TTYH2: variants seen among roughly 807,000 people sequenced by gnomAD.
TTYH2 encodes tweety family member 2, also known as protein tweety homolog 2.
TTYH2 carries 49 observed loss-of-function variants against 68.3 expected under a neutral mutation model. The observed-to-expected ratio is 0.72, with a 90% CI of 0.57 to 0.91. The LOEUF (loss-of-function observed/expected upper bound fraction) is 0.91. TTYH2 is among the 40% of genes least tolerant of loss of function. TTYH2 has a pLI of 0.00. For missense variants in TTYH2, 631 were observed against 700.4 expected, an observed-to-expected ratio of 0.90 and a Z score of 1.12; for synonymous variants, 272 against 300.8, an observed-to-expected ratio of 0.90 and a Z score of 0.99.
intron 11 of TTYH2, 138 bp from the exon 12 acceptor site, chr17:74,252,943 C>G (rs143921222): frequency 8.4e-6 from 7 of 830,662 alleles, no homozygotes; most frequent in Non-Finnish European, 1.1e-5. Context: ...GGCTGGGGAC[C>G]GCGTTTTAGA....
At chr17:74,250,084 C>G in intron 9 of TTYH2, 56 bp downstream of exon 9, 1 of 1,592,572 alleles carries the variant, frequency 6.3e-7, no homozygotes, top group South Asian at 1.1e-5. Flanking sequence ...CAGCCCTTTC[C>G]CCTGCCCCGG....
chr17:74,222,467 G>C lies in TTYH2; in HGVS notation c.130-18G>C, dbSNP rs985293931. 6.3e-7 allele frequency: 1 copy of C among 1,599,606 alleles called. No homozygotes were observed. The highest frequency in any genetic ancestry group is 8.5e-7 in the Non-Finnish European group (1 of 1,175,378). Reference sequence around the variant, plus strand: ...CTGCAGGGATGAAGAGTGACAACAGGCCTCTGCTCTCTTCCAGTCGCTGCT... The same window carrying C: ...CTGCAGGGATGAAGAGTGACAACAGCCCTCTGCTCTCTTCCAGTCGCTGCT... On this transcript the variant is annotated intron_variant, in intron 1 of 13. Transcript: ENST00000269346. The surrounding 1 kb of genome is among the most constrained non-coding windows in gnomAD (Gnocchi z 5.2).
intron 4 of TTYH2, among the ~76,000 whole-genome samples, chr17:74,238,112 C>T (rs2050462255): frequency 6.6e-6 from 1 of 152,124 alleles, no homozygotes; most frequent in Non-Finnish European, 1.5e-5. Context: ...CTCCCGCACA[C>T]GGTGGGGTGC....
chr17:74,218,764 T>C (rs535284549), intron 1 of TTYH2, among the ~76,000 whole-genome samples: 1 of 152,172 alleles, frequency 6.6e-6, no homozygotes, highest in East Asian at 1.9e-4. Context: ...CGGACGAGCC[T>C]TCCTTGCTGG....
In TTYH2 at chr17:74,222,781, G is replaced by T; in HGVS notation, c.302+124G>T. On this transcript the variant is annotated intron_variant, in intron 2 of 13. Transcript: ENST00000269346. This position sits in a 1 kb window ranked among gnomAD's most constrained non-coding sequence, Gnocchi z 5.2. ...TGGAAAAGCTTGTCCCCAGATGAAT[G>T]TTGTCCCTTTTTTTTTTTTTACCAA... 5.2e-6 allele frequency: 6 copies of T among 1,158,134 alleles called. No homozygotes were observed. The highest frequency in any genetic ancestry group is 1.6e-5 in the African/African-American group (1 of 60,768). 71.7% of individuals were successfully genotyped at this position (1,158,134 alleles called of 1,614,324 possible). A position where few individuals can be genotyped will look rare whatever the true frequency, so the allele number is the denominator to read the frequency against.
chr17:74,233,914 C>T (rs992859449), intron 3 of TTYH2, among the ~76,000 whole-genome samples: 15 of 152,152 alleles, frequency 9.9e-5, no homozygotes, highest in African/African-American at 3.4e-4. Context: ...AACTGAGGCA[C>T]AGGGAGGTTG....
Position 74,235,947 on chromosome 17 carries a change from A to G in TTYH2, c.415-1347A>G, listed in dbSNP as rs114111688. Among the ~76,000 whole-genome samples the G allele has an allele frequency of 9.5e-3, 1,438 of 152,014 alleles. 23 individuals are homozygous for G. The highest frequency in any genetic ancestry group is 0.033 in the African/African-American group (1,369 of 41,484). On this transcript the variant is annotated intron_variant, in intron 3 of 13. Transcript: ENST00000269346. ...AAAGAAAGAAATGGATGAACGGGCT[A>G]CTCTGGCACACTGCCTAGAGGGTAG...
intron 3 of TTYH2, among the ~76,000 whole-genome samples, chr17:74,231,378 C>T (rs2050388045): frequency 6.6e-6 from 1 of 152,016 alleles, no homozygotes; most frequent in Admixed American, 6.6e-5. Flanking sequence ...CAGGAGATGC[C>T]AAGAGGAAAA....
At position 74,243,454 on chromosome 17, in the gene TTYH2, A is replaced by G. The variant is rs1206843324; in HGVS notation, c.716A>G (p.Lys239Arg). Residue 239 changes from lysine to arginine, a missense_variant, in exon 5 of 14, where the codon AAG becomes AGG. Physicochemically the swap from Lys to Arg is conservative, Grantham distance 26. Transcript: ENST00000269346. ...TGCCTGGGACTGGCCAAGCGCTCCAAGTGTCTCCTGGCCTCGTGAGTATCC... is the reference window on the plus strand; with the variant it reads ...TGCCTGGGACTGGCCAAGCGCTCCAGGTGTCTCCTGGCCTCGTGAGTATCC... ...IACLGLAKRSKCLLASMLCCG... is the reference protein window; with the variant it reads ...IACLGLAKRSRCLLASMLCCG... 4 of 1,614,116 alleles carry G rather than the reference A, an allele frequency of 2.5e-6. No individual in the cohort carries two copies. Among genetic ancestry groups the G allele is most frequent in the East Asian group, 2.2e-5 (1 of 44,868 alleles).
At chr17:74,244,855 A>AGTGTGT (rs58119512) in intron 6 of TTYH2, among the ~76,000 whole-genome samples, 4,085 of 149,898 alleles carry the variant, frequency 0.027, 177 homozygotes, top group African/African-American at 0.09. Flanking sequence ...GTGGAGGTGC[A>AGTGTGT]GTGTGTGTGT....
chr17:74,223,252 G>T (rs1415466119), intron 2 of TTYH2, among the ~76,000 whole-genome samples: 1 of 148,504 alleles, frequency 6.7e-6, no homozygotes, highest in Non-Finnish European at 1.5e-5. Context: ...GGGACTACAG[G>T]TGCACACCAC....
chr17:74,252,398 G>A, intron 11 of TTYH2, 22 bp downstream of exon 11: 2 of 1,610,270 alleles, frequency 1.2e-6, no homozygotes, highest in Non-Finnish European at 1.7e-6. Context: ...AGTAAGGAGG[G>A]GAGCCTCCCA....
chr17:74,246,456 A>G (rs1046836465), intron 6 of TTYH2, among the ~76,000 whole-genome samples: 4 of 152,128 alleles, frequency 2.6e-5, no homozygotes, highest in African/African-American at 4.8e-5. Context: ...AAAATGTCCA[A>G]TAAACAGTGG....
chr17:74,254,191 T>A (rs1598234795), intron 13 of TTYH2, among the ~76,000 whole-genome samples: 1 of 151,986 alleles, frequency 6.6e-6, no homozygotes, highest in Non-Finnish European at 1.5e-5. Flanking sequence ...TTATTTATTT[T>A]TTGAGGCAGA....
At chr17:74,240,426 G>A (rs1196593331) in intron 4 of TTYH2, among the ~76,000 whole-genome samples, 3 of 150,952 alleles carry the variant, frequency 2.0e-5, no homozygotes, top group African/African-American at 7.3e-5. Flanking sequence ...GCAATAGAGT[G>A]AGACTCTGTC....
chr17:74,255,010 C>T (rs943229247), intron 13 of TTYH2, among the ~76,000 whole-genome samples: 32 of 152,148 alleles, frequency 2.1e-4, no homozygotes, highest in Non-Finnish European at 3.2e-4. Flanking sequence ...TGAGATACAG[C>T]CTCAGGGGAG....
chr17:74,258,040 C>A (rs1270895140), intron 13 of TTYH2, among the ~76,000 whole-genome samples: 1 of 151,764 alleles, frequency 6.6e-6, no homozygotes, highest in East Asian at 2.0e-4. Flanking sequence ...TGTAATCCCA[C>A]CTACTCGGGA....
rs900673064 is a variant in TTYH2 at position 74,241,944 on chromosome 17, T to C, written c.636-1430T>C. 2.0e-5 allele frequency among the ~76,000 whole-genome samples: 3 copies of C among 152,212 alleles called. No individual in the cohort carries two copies. The highest frequency in any genetic ancestry group is 7.2e-5 in the African/African-American group (3 of 41,444). ...GGCACTTTGTTTGGGGTCTTCTCAG[T>C]GTCCGTTGGCTTAAGATACTTTGAT... On this transcript the variant is annotated intron_variant, in intron 4 of 13. Coordinates refer to ENST00000269346, the MANE Select transcript of TTYH2 (RefSeq NM_032646.6). This position sits in a 1 kb window ranked among gnomAD's most constrained non-coding sequence, Gnocchi z 4.1.
At position 74,213,663 on chromosome 17, in the gene TTYH2, C is replaced by T; in HGVS notation, c.76C>T (p.Arg26Cys). The T allele has an allele frequency of 2.5e-6, 4 of 1,612,572 alleles. No individual in the cohort carries two copies. The highest frequency in any genetic ancestry group is 1.3e-5 in the African/African-American group (1 of 74,988). ...GCACAGCGTCCCGCACGTCGGCCTG[C>T]GCCTGCAGCCCGTGAACAGCACCTT... is the stretch of plus-strand genomic sequence containing the variant. ...WLHSVPHVGL[R>C]LQPVNSTFSP... is the part of the protein sequence containing the mutation. Residue 26 changes from arginine to cysteine, a missense_variant, in exon 1 of 14, where the codon CGC becomes TGC. By Grantham distance (180) the Arg-to-Cys change is radical (BLOSUM62 -3). Coordinates refer to ENST00000269346, the MANE Select transcript of TTYH2 (RefSeq NM_032646.6). This position sits in a 1 kb window ranked among gnomAD's most constrained non-coding sequence, Gnocchi z 6.1.
Sources: gnomAD v4.1 joint callset for allele counts (sites outside exome capture counted in the v4.1 genomes callset) on GRCh38, gnomAD v4.1.1 for gene constraint, Gnocchi (gnomAD v3.1) non-coding constraint, MANE v1.5 for transcripts, NCBI Gene and HGNC (gene_info 2026-07-23, HGNC 2026-07-21) for gene names.